The following RBFOX2 variants were observed in gnomAD, a reference collection of about 807,000 sequenced individuals.
RBFOX2 encodes the protein RNA binding protein fox-1 homolog 2.
Under a neutral mutation model 49.1 loss-of-function variants are expected in RBFOX2, and 10 were observed. The observed-to-expected ratio is 0.20, with a 90% confidence interval of 0.13 to 0.35. The LOEUF (loss-of-function observed/expected upper bound fraction) is 0.35, where lower values mean the gene tolerates loss of function less well. RBFOX2 is among the 10% of genes least tolerant of loss of function. RBFOX2 has a pLI of 1.00. For synonymous variants in RBFOX2, 183 were observed against 187.4 expected, an observed-to-expected ratio of 0.98 and a Z score of 0.19; for missense variants, 323 against 486.9, an observed-to-expected ratio of 0.66 and a Z score of 3.17.
chr22:35,951,241 CTTTTTTTTTT>C (rs1208551684), intron 1 of RBFOX2, among the ~76,000 whole-genome samples: 7 of 78,332 alleles, frequency 8.9e-5, no homozygotes, highest in East Asian at 7.0e-4. Context: ...GCACCCGGCC[CTTTTTTTTTT>C]TTTTTTTTTT....
intron 1 of RBFOX2, among the ~76,000 whole-genome samples, chr22:35,821,377 G>A (rs1213910241): frequency 2.0e-5 from 3 of 151,906 alleles, no homozygotes; most frequent in South Asian, 2.1e-4. Context: ...CAAGGTGGGC[G>A]GATCACCTGA....
chr22:35,934,245 T>C (rs1391468706), intron 1 of RBFOX2, among the ~76,000 whole-genome samples: 3 of 151,642 alleles, frequency 2.0e-5, no homozygotes, highest in Non-Finnish European at 4.4e-5. Context: ...AGTATTTCAA[T>C]CACATCTATA....
chr22:35,893,766 C>T (rs1010298202), intron 1 of RBFOX2, among the ~76,000 whole-genome samples: 2 of 152,178 alleles, frequency 1.3e-5, no homozygotes, highest in Non-Finnish European at 1.5e-5. Flanking sequence ...TCTCTGCAAA[C>T]GCAGTTAACA....
intron 1 of RBFOX2, among the ~76,000 whole-genome samples, chr22:35,919,173 G>A (rs971762535): frequency 1.3e-5 from 2 of 152,166 alleles, no homozygotes; most frequent in Non-Finnish European, 2.9e-5. Flanking sequence ...TACAGAATAG[G>A]CAAAATCTGT....
At chr22:35,768,006 A>C (rs1254284124) in intron 5 of RBFOX2, among the ~76,000 whole-genome samples, 3 of 152,042 alleles carry the variant, frequency 2.0e-5, no homozygotes, top group Non-Finnish European at 2.9e-5. Context: ...ATGAAAAACA[A>C]ACACACACAC....
chr22:35,954,184 T>C (rs1013932309), intron 1 of RBFOX2, among the ~76,000 whole-genome samples: 1 of 152,012 alleles, frequency 6.6e-6, no homozygotes, highest in Non-Finnish European at 1.5e-5. Context: ...GGGGAGGAGG[T>C]TTCTTATCTG....
chr22:35,854,613 G>A (rs920835533), intron 1 of RBFOX2, among the ~76,000 whole-genome samples: 6 of 151,538 alleles, frequency 4.0e-5, no homozygotes, highest in Admixed American at 3.9e-4. Flanking sequence ...AAAAAGACTA[G>A]AGGATATACA....
chr22:36,015,500 A>C (rs752808103), intron 1 of RBFOX2, among the ~76,000 whole-genome samples: 1 of 152,254 alleles, frequency 6.6e-6, no homozygotes, highest in Non-Finnish European at 1.5e-5. Flanking sequence ...GGAAGCTTGT[A>C]TATGAGAAGC....
chr22:35,901,210 G>C (rs184513876), intron 1 of RBFOX2, among the ~76,000 whole-genome samples: 1 of 152,114 alleles, frequency 6.6e-6, no homozygotes, highest in Non-Finnish European at 1.5e-5. Flanking sequence ...TTCAACGTTC[G>C]TTTTTAAGAC....
At chr22:35,784,728 T>C (rs1259859029) in intron 2 of RBFOX2, among the ~76,000 whole-genome samples, 1 of 152,238 alleles carries the variant, frequency 6.6e-6, no homozygotes, top group East Asian at 1.9e-4. Flanking sequence ...CAGTCGATGA[T>C]GCCCTTCACC....
intron 1 of RBFOX2, among the ~76,000 whole-genome samples, chr22:35,821,602 CAAAAAAAAAAAAAAA>C (rs1158936385): frequency 5.8e-4 from 21 of 36,450 alleles, no homozygotes; most frequent in Non-Finnish European, 9.3e-4. Flanking sequence ...ACTCCGTCTC[CAAAAAAAAAAAAAAA>C]AAAAAAAAAA....
At chr22:35,961,150 T>C (rs1055466611) in intron 1 of RBFOX2, among the ~76,000 whole-genome samples, 1 of 152,114 alleles carries the variant, frequency 6.6e-6, no homozygotes, top group Non-Finnish European at 1.5e-5. Flanking sequence ...CACCCATCCA[T>C]ATAAAAAAAA....
At chr22:35,922,397 A>G (rs6000035) in intron 1 of RBFOX2, among the ~76,000 whole-genome samples, 12,422 of 151,944 alleles carry the variant, frequency 0.082, 519 homozygotes, top group African/African-American at 0.098. Flanking sequence ...TGACCAACAT[A>G]GTGAAACCCC....
At chr22:35,770,049 T>C (rs767286007) in intron 4 of RBFOX2, among the ~76,000 whole-genome samples, 1 of 152,136 alleles carries the variant, frequency 6.6e-6, no homozygotes, top group Non-Finnish European at 1.5e-5. Context: ...AACAGGAACA[T>C]ATTTTTATAA....
intron 1 of RBFOX2, among the ~76,000 whole-genome samples, chr22:35,835,815 C>G (rs935431489): frequency 6.6e-6 from 1 of 152,044 alleles, no homozygotes; most frequent in Non-Finnish European, 1.5e-5. Flanking sequence ...TTCAAGAAAG[C>G]TAAGTAATTT....
intron 3 of RBFOX2, among the ~76,000 whole-genome samples, chr22:35,779,500 G>T (rs997804575): frequency 2.0e-5 from 3 of 152,126 alleles, no homozygotes; most frequent in African/African-American, 7.2e-5. Flanking sequence ...TTTAATAGAA[G>T]AATCACGGAA....
At chr22:35,958,001 G>T (rs984074096) in intron 1 of RBFOX2, among the ~76,000 whole-genome samples, 2 of 152,014 alleles carry the variant, frequency 1.3e-5, no homozygotes, top group Non-Finnish European at 2.9e-5. Context: ...GAGTATAAAA[G>T]AAATACATTT....
Position 35,749,532 on chromosome 22 carries a change from CAT to C in RBFOX2, c.888-2973_888-2972del, listed in dbSNP as rs549119320. Among the ~76,000 whole-genome samples, 2 of 151,614 alleles carry C rather than the reference CAT, an allele frequency of 1.3e-5. No individual in the cohort carries two copies. Among genetic ancestry groups the C allele is most frequent in the African/African-American group, 4.8e-5 (2 of 41,496 alleles). ...TTACACACACACACGCACACACACACATACACTTACTCGAAAGTATTTTTGCT... is the reference window on the plus strand; with the variant it reads ...TTACACACACACACGCACACACACACACACTTACTCGAAAGTATTTTTGCT... On this transcript the variant is annotated intron_variant, in intron 9 of 11. Transcript: ENST00000405409. The surrounding 1 kb of genome is among the most constrained non-coding windows in gnomAD (Gnocchi z 4.1).
chr22:35,768,666 GA>G (rs1220214381), intron 4 of RBFOX2, among the ~76,000 whole-genome samples: 1 of 152,030 alleles, frequency 6.6e-6, no homozygotes, highest in African/African-American at 2.4e-5. Flanking sequence ...AAAATCTGAA[GA>G]TTTTTTAATG....
Sources: allele counts gnomAD v4.1 joint callset (sites outside exome capture counted in the v4.1 genomes callset), GRCh38; gene constraint gnomAD v4.1.1; non-coding constraint Gnocchi (gnomAD v3.1); transcripts MANE v1.5; gene names NCBI Gene and HGNC (gene_info 2026-07-23, HGNC 2026-07-21).